Variants in DOCK11 observed in about 807,000 individuals in gnomAD.
The protein encoded by DOCK11 is dedicator of cytokinesis protein 11.
DOCK11 carries 70 observed loss-of-function variants against 169.1 expected under a neutral mutation model. The observed-to-expected ratio is 0.41, with a 90% CI of 0.34 to 0.51. DOCK11 has a LOEUF of 0.51. Ranked by LOEUF, DOCK11 falls within the 20% of genes least tolerant of loss-of-function variation. The probability of loss-of-function intolerance (pLI) is 0.10; values close to 1 mark genes in which losing one functional copy is unlikely to be tolerated. For missense variants in DOCK11, 1,166 were observed against 1,538.8 expected (o/e 0.76, Z 4.05); for synonymous variants, 529 against 541.3 (o/e 0.98, Z 0.32).
intron 35 of DOCK11, chrX:118,634,192 C>T (rs943985353): frequency 4.5e-5 from 5 of 111,923 alleles, no homozygotes; most frequent in Non-Finnish European, 7.5e-5. Flanking sequence ...CTTTTAGCGC[C>T]AGCCATGTTT....
At chrX:118,671,491 G>A (rs1363439932) in intron 46 of DOCK11, among the ~76,000 whole-genome samples, 2 of 111,018 alleles carry the variant, frequency 1.8e-5, no homozygotes, top group Non-Finnish European at 3.8e-5. Context: ...CCCATAAATT[G>A]TACCCCATAA....
At chrX:118,610,935 AG>A (rs2014668088) in intron 28 of DOCK11, among the ~76,000 whole-genome samples, 1 of 111,242 alleles carries the variant, frequency 9.0e-6, no homozygotes, top group African/African-American at 3.3e-5. Flanking sequence ...GCTACTTGGG[AG>A]GCTGAGGCAG....
chrX:118,649,790 C>A (rs2015905009), intron 41 of DOCK11, among the ~76,000 whole-genome samples: 1 of 111,504 alleles, frequency 9.0e-6, no homozygotes, highest in African/African-American at 3.3e-5. Context: ...GCTGCGATTA[C>A]AAGCATGAGC....
intron 36 of DOCK11, 71 bp from the exon 37 acceptor site, chrX:118,638,007 CTT>C: frequency 2.2e-6 from 2 of 895,635 alleles, no homozygotes; most frequent in Non-Finnish European, 3.2e-6. Context: ...TAACTTATGA[CTT>C]TTAAAATATC....
intron 7 of DOCK11, among the ~76,000 whole-genome samples, chrX:118,562,771 G>A (rs1375697441): frequency 1.8e-5 from 2 of 112,154 alleles, no homozygotes; most frequent in East Asian, 5.6e-4. Flanking sequence ...CAGCTTAAAG[G>A]CTACTGCCGT....
intron 42 of DOCK11, 54 bp downstream of exon 42, chrX:118,652,131 T>G (rs1333323965): frequency 1.3e-6 from 1 of 746,322 alleles, no homozygotes; most frequent in African/African-American, 2.1e-5. Context: ...TCAGGGAAGT[T>G]TAAACTCTTA....
intron 1 of DOCK11, among the ~76,000 whole-genome samples, chrX:118,512,419 G>T (rs1265006758): frequency 1.8e-5 from 2 of 112,088 alleles, no homozygotes; most frequent in African/African-American, 6.5e-5. Context: ...GACAGGAAGA[G>T]ATCAAGTCCT....
At chrX:118,540,825 T>C (rs928770210) in intron 1 of DOCK11, among the ~76,000 whole-genome samples, 7 of 112,031 alleles carry the variant, frequency 6.2e-5, no homozygotes. Flanking sequence ...ATAATCCCGA[T>C]GCTATTATAA....
In DOCK11 at chrX:118,685,773, G is replaced by A. The variant is rs772498571; in HGVS notation, c.6188G>A (p.Arg2063Gln). The A allele has an allele frequency of 5.0e-6, 6 of 1,210,021 alleles. No individual in the cohort carries two copies. Among genetic ancestry groups the A allele is most frequent in the East Asian group, 3.0e-5 (1 of 33,799 alleles). The change falls in exon 53 of 53, where the codon CGA (arginine) becomes CAA (glutamine). Residue 2063 changes from arginine to glutamine, a missense_variant. By Grantham distance (43) the Arg-to-Gln change is conservative (BLOSUM62 1). Coordinates refer to ENST00000276202, the MANE Select transcript of DOCK11 (RefSeq NM_144658.4). The part of the protein sequence containing the change: ...FCAISGTSSD[R>Q]GYGSPRYAEV ...GCAATTAGTGGTACATCAAGTGACC[G>A]AGGTTATGGTTCCCCAAGATACGCT...
At chrX:118,523,479 A>AG (rs1412664439) in intron 1 of DOCK11, among the ~76,000 whole-genome samples, 1 of 112,195 alleles carries the variant, frequency 8.9e-6, no homozygotes, top group African/African-American at 3.2e-5. Flanking sequence ...ACAGTTTGGT[A>AG]GGTTGGTGAT....
chrX:118,500,001 T>A (rs1286425027), intron 1 of DOCK11, among the ~76,000 whole-genome samples: 3 of 111,010 alleles, frequency 2.7e-5, no homozygotes, highest in Non-Finnish European at 5.7e-5. Flanking sequence ...CTGGATTGAG[T>A]CTTTTTCTAT....
chrX:118,571,178 C>T (rs1243023219), intron 10 of DOCK11, among the ~76,000 whole-genome samples: 2 of 109,937 alleles, frequency 1.8e-5, no homozygotes, highest in African/African-American at 6.6e-5. Context: ...TAAGTCAGGC[C>T]TCTCCCATTT....
intron 40 of DOCK11, among the ~76,000 whole-genome samples, chrX:118,644,929 T>C (rs1395507902): frequency 1.8e-5 from 2 of 111,622 alleles, no homozygotes; most frequent in African/African-American, 6.5e-5. Context: ...GGTGACAATG[T>C]CAAAGGCAGT....
At position 118,572,305 on chromosome X, in the gene DOCK11, A is replaced by G. The variant is rs1340314920; in HGVS notation, c.1036-18A>G. The G allele has an allele frequency of 1.8e-6, 2 of 1,125,748 alleles. No homozygotes were observed. The highest frequency in any genetic ancestry group is 2.4e-6 in the Non-Finnish European group (2 of 843,676). 92.8% of individuals were successfully genotyped at this position (1,125,748 alleles called of 1,213,427 possible). A position where few individuals can be genotyped will look rare whatever the true frequency, so the allele number is the denominator to read the frequency against. On this transcript the variant is annotated intron_variant, in intron 10 of 52. Coordinates refer to ENST00000276202, the MANE Select transcript of DOCK11 (RefSeq NM_144658.4). Reference sequence around the variant, plus strand: ...TCCCATCTTTTTTTGAAAATGATTCATACTATCTCTTTTATAGAGGTTGGA... The same window carrying G: ...TCCCATCTTTTTTTGAAAATGATTCGTACTATCTCTTTTATAGAGGTTGGA...
At chrX:118,553,067 C>T (rs1417993318) in intron 6 of DOCK11, among the ~76,000 whole-genome samples, 1 of 111,515 alleles carries the variant, frequency 9.0e-6, no homozygotes, top group Non-Finnish European at 1.9e-5. Context: ...TACCTTGCTG[C>T]CACTCTTCAA....
intron 46 of DOCK11, among the ~76,000 whole-genome samples, chrX:118,675,180 C>G (rs1233095141): frequency 8.9e-6 from 1 of 111,884 alleles, no homozygotes; most frequent in Admixed American, 9.5e-5. Flanking sequence ...TCTGGAAGTG[C>G]GGAAAAACAT....
chrX:118,592,822 C>A (rs1189659042), intron 19 of DOCK11, among the ~76,000 whole-genome samples: 1 of 112,302 alleles, frequency 8.9e-6, no homozygotes, highest in Non-Finnish European at 1.9e-5. Flanking sequence ...AAGAGAGCAA[C>A]AACTTAGAAA....
At chrX:118,648,586 T>C (rs758399745) in intron 40 of DOCK11, among the ~76,000 whole-genome samples, 1,179 of 75,067 alleles carry the variant, frequency 0.016, 13 homozygotes, top group African/African-American at 0.055. Context: ...TATATAAATA[T>C]ATAATATATA....
At position 118,546,025 on chromosome X, in the gene DOCK11, C is replaced by T; in HGVS notation, c.467C>T (p.Ser156Leu). The change falls in exon 6 of 53, where the codon TCA (serine) becomes TTA (leucine). Residue 156 changes from serine to leucine, a missense_variant. By Grantham distance (145) the Ser-to-Leu change is moderately radical (BLOSUM62 -2). Coordinates refer to ENST00000276202, the MANE Select transcript of DOCK11 (RefSeq NM_144658.4). ...ATAATTTTTGTTCTATTTCAGGACT[C>T]ATCTTCTTTATGTTCTCAGAAGGGT... ...IDEDCEKDED[S>L]SSLCSQKGGV... 1 of 1,198,735 alleles carries T rather than the reference C, an allele frequency of 8.3e-7. No homozygotes were observed. The highest frequency in any genetic ancestry group is 1.8e-5 in the South Asian group (1 of 55,658).
Sources: allele counts gnomAD v4.1 joint callset (sites outside exome capture counted in the v4.1 genomes callset), GRCh38; gene constraint gnomAD v4.1.1; transcripts MANE v1.5; gene names NCBI Gene and HGNC (gene_info 2026-07-23, HGNC 2026-07-21).